Variants in GREM1 observed in about 807,000 individuals in gnomAD.
GREM1 encodes gremlin 1, DAN family BMP antagonist.
GREM1 carries 6 observed loss-of-function variants against 13.1 expected under a neutral mutation model. The ratio of observed to expected loss-of-function variants is 0.46; its 90% CI spans 0.25 to 0.91. The LOEUF (loss-of-function observed/expected upper bound fraction) is 0.91. GREM1 is among the 40% of genes least tolerant of loss of function. GREM1 has a pLI of 0.18. For synonymous variants in GREM1, 98 were observed against 93.7 expected, an observed-to-expected ratio of 1.05 and a Z score of -0.27; for missense variants, 185 against 233.9, an observed-to-expected ratio of 0.79 and a Z score of 1.36.
intron 1 of GREM1, chr15:32,718,675 A>C (rs918494156): frequency 2.5e-5 from 9 of 358,720 alleles, no homozygotes; most frequent in African/African-American, 1.9e-4. Context: ...CGGAGAATCC[A>C]TGATGTGTGC....
chr15:32,727,384 T>G (rs895856520), intron 1 of GREM1, among the ~76,000 whole-genome samples: 2 of 152,146 alleles, frequency 1.3e-5, no homozygotes, highest in African/African-American at 2.4e-5. Context: ...ACAGAACCAA[T>G]GACAAAAACC....
rs2055688914 is a variant in GREM1 at position 32,735,767 on chromosome 15, G to C, written c.*4522G>C. 1 of 82,652 alleles carries C rather than the reference G, an allele frequency of 1.2e-5. No individual in the cohort carries two copies. The allele number at this position is 82,652 out of a possible 1,614,324, so 5.1% of individuals were successfully genotyped here. A position where few individuals can be genotyped will look rare whatever the true frequency, so the allele number is the denominator to read the frequency against. On this transcript the variant is annotated 3_prime_UTR_variant, in exon 2 of 2. Coordinates refer to ENST00000651154, the MANE Select transcript of GREM1 (RefSeq NM_013372.7). ...GACTTGACACGGAAGAGCATTTCAA[G>C]CTTAAGAAAAAAAAAAAAAAGAAGA...
chr15:32,719,612 A>T (rs2055370732), intron 1 of GREM1, among the ~76,000 whole-genome samples: 1 of 152,096 alleles, frequency 6.6e-6, no homozygotes, highest in Non-Finnish European at 1.5e-5. Context: ...GGAAAGAGCA[A>T]ATCTGAGCGG....
intron 1 of GREM1, among the ~76,000 whole-genome samples, chr15:32,728,374 C>G (rs1331766095): frequency 6.6e-6 from 1 of 152,190 alleles, no homozygotes; most frequent in Non-Finnish European, 1.5e-5. Context: ...GTAACATACA[C>G]TGACCAAAGG....
At chr15:32,719,175 G>A (rs1286476873) in intron 1 of GREM1, among the ~76,000 whole-genome samples, 1 of 152,254 alleles carries the variant, frequency 6.6e-6, no homozygotes, top group Non-Finnish European at 1.5e-5. Flanking sequence ...CATAGCAGGG[G>A]AGTGGGAGGT....
intron 1 of GREM1, 67 bp from the exon 2 acceptor site, chr15:32,730,623 A>G (rs2055599350): frequency 1.9e-6 from 2 of 1,064,886 alleles, no homozygotes; most frequent in Non-Finnish European, 1.4e-6. Context: ...AGGTGCTATT[A>G]TTATTAATTT....
Position 32,731,518 on chromosome 15 carries a change from C to G in GREM1, c.*273C>G. 1 of 486,952 alleles carries G rather than the reference C, an allele frequency of 2.1e-6. No individual in the cohort carries two copies. The highest frequency in any genetic ancestry group is 3.7e-6 in the Non-Finnish European group (1 of 267,218). 30.2% of individuals were successfully genotyped at this position (486,952 alleles called of 1,614,324 possible). Reference sequence around the variant, plus strand: ...TTAATGGGGATGTACCAGAAACCCACCTCACCCCGGCTCACATCTAAAGGG... The same window carrying G: ...TTAATGGGGATGTACCAGAAACCCAGCTCACCCCGGCTCACATCTAAAGGG... On this transcript the variant is annotated 3_prime_UTR_variant, in exon 2 of 2. Transcript: ENST00000651154.
rs1286742908 is a variant in GREM1 at position 32,734,981 on chromosome 15, T to G, written c.*3736T>G. Reference sequence around the variant, plus strand: ...CCATCACACAGAAATGATAATATCTTCATTTCAGGGTGTTCCAGGGGAAAA... The same window carrying G: ...CCATCACACAGAAATGATAATATCTGCATTTCAGGGTGTTCCAGGGGAAAA... On this transcript the variant is annotated 3_prime_UTR_variant, in exon 2 of 2. Coordinates refer to ENST00000651154, the MANE Select transcript of GREM1 (RefSeq NM_013372.7). 1 of 153,524 alleles carries G rather than the reference T, an allele frequency of 6.5e-6. No homozygotes were observed. Among genetic ancestry groups the G allele is most frequent in the Non-Finnish European group, 1.5e-5 (1 of 68,842 alleles). 9.5% of individuals were successfully genotyped at this position (153,524 alleles called of 1,614,324 possible). A position where few individuals can be genotyped will look rare whatever the true frequency, so the allele number is the denominator to read the frequency against.
chr15:32,725,271 A>G lies in GREM1; in HGVS notation c.-1-5419A>G, dbSNP rs141876861. ...CCACCAACAGTGTAAAAGCATTCCT[A>G]TTTCTCCACATCCTCTCCAACATCT... On this transcript the variant is annotated intron_variant, in intron 1 of 1. Transcript: ENST00000651154. 4.0e-3 allele frequency among the ~76,000 whole-genome samples: 602 copies of G among 152,220 alleles called. 6 individuals carry two copies. The highest frequency in any genetic ancestry group is 0.014 in the African/African-American group (589 of 41,538).
At chr15:32,730,215 CAA>C (rs965537246) in intron 1 of GREM1, among the ~76,000 whole-genome samples, 14 of 152,194 alleles carry the variant, frequency 9.2e-5, no homozygotes, top group African/African-American at 3.4e-4. Flanking sequence ...GATAAAAATG[CAA>C]AGTCTCATAA....
Position 32,741,451 on chromosome 15 carries a change from A to G in GREM1, c.*10206A>G, listed in dbSNP as rs1456907637. 6.6e-6 allele frequency: 1 copy of G among 151,214 alleles called. No homozygotes were observed. The highest frequency in any genetic ancestry group is 2.4e-5 in the African/African-American group (1 of 41,116). The allele number at this position is 151,214 out of a possible 1,614,324, so 9.4% of individuals were successfully genotyped here. On this transcript the variant is annotated 3_prime_UTR_variant, in exon 2 of 2. Coordinates refer to ENST00000651154, the MANE Select transcript of GREM1 (RefSeq NM_013372.7). Reference sequence around the variant, plus strand: ...TTTTTTTGCTGCTATTACAAATAGCATTGTTTTCCTAATTTTTGTTTAAGA... The same window carrying G: ...TTTTTTTGCTGCTATTACAAATAGCGTTGTTTTCCTAATTTTTGTTTAAGA...
rs1225604049 is a variant in GREM1 at position 32,738,046 on chromosome 15, C to T, written c.*6801C>T. The T allele has an allele frequency of 9.8e-6, 1 of 101,696 alleles. No homozygotes were observed. Among genetic ancestry groups the T allele is most frequent in the African/African-American group, 3.8e-5 (1 of 26,448 alleles). The allele number at this position is 101,696 out of a possible 1,614,324, so 6.3% of individuals were successfully genotyped here. A position where few individuals can be genotyped will look rare whatever the true frequency, so the allele number is the denominator to read the frequency against. Reference sequence around the variant, plus strand: ...GATATCTGCTGTCACTATTTTTATTCAATATTATACTGGAGGTTCTACCTA... The same window carrying T: ...GATATCTGCTGTCACTATTTTTATTTAATATTATACTGGAGGTTCTACCTA... On this transcript the variant is annotated 3_prime_UTR_variant, in exon 2 of 2. Transcript: ENST00000651154.
At position 32,720,031 on chromosome 15, in the gene GREM1, T is replaced by C. The variant is rs11635984; in HGVS notation, c.-2+1870T>C. 0.29 allele frequency among the ~76,000 whole-genome samples: 43,882 copies of C among 152,142 alleles called. 7,538 individuals are homozygous for C. Among genetic ancestry groups the C allele is most frequent in the Non-Finnish European group, 0.39 (26,436 of 67,980 alleles). On this transcript the variant is annotated intron_variant, in intron 1 of 1. Transcript: ENST00000651154. ...ATAAATGGCACTGTCAAATTGTTAA[T>C]ATTAACTATTTCAGGGATTTTTAGC...
chr15:32,732,417 G>GAGTTAA lies in GREM1; in HGVS notation c.*1173_*1174insGTTAAA. ...GTAGTCTAAGATGAGAGAGTTTAGGGACTACTCTGTTTTAGCAAGAGATAT... is the reference window on the plus strand; with the variant it reads ...GTAGTCTAAGATGAGAGAGTTTAGGGAGTTAAACTACTCTGTTTTAGCAAGAGATAT... On this transcript the variant is annotated 3_prime_UTR_variant, in exon 2 of 2. Coordinates refer to ENST00000651154, the MANE Select transcript of GREM1 (RefSeq NM_013372.7). 1 of 245,060 alleles carries GAGTTAA rather than the reference G, an allele frequency of 4.1e-6. No homozygotes were observed. Among genetic ancestry groups the GAGTTAA allele is most frequent in the East Asian group, 6.2e-5 (1 of 16,174 alleles). The allele number at this position is 245,060 out of a possible 1,614,324, so 15.2% of individuals were successfully genotyped here.
At chr15:32,730,465 C>T (rs1163257525) in intron 1 of GREM1, among the ~76,000 whole-genome samples, 1 of 152,154 alleles carries the variant, frequency 6.6e-6, no homozygotes, top group Non-Finnish European at 1.5e-5. Flanking sequence ...TGAGTTTAAA[C>T]CTTGACTTAG....
rs984762857 is a variant in GREM1, at chr15:32,732,499, C to G, written c.*1254C>G. 1 of 245,140 alleles carries G rather than the reference C, an allele frequency of 4.1e-6. No homozygotes were observed. The highest frequency in any genetic ancestry group is 8.6e-6 in the Non-Finnish European group (1 of 116,380). The allele number at this position is 245,140 out of a possible 1,614,324, so 15.2% of individuals were successfully genotyped here. ...GGAGATTGGGCTAAAGAGAAGACGA[C>G]GAGAGTAAGGAAATAAAGGGAATTG... On this transcript the variant is annotated 3_prime_UTR_variant, in exon 2 of 2. Coordinates refer to ENST00000651154, the MANE Select transcript of GREM1 (RefSeq NM_013372.7).
In GREM1 at chr15:32,741,771, A is replaced by C. The variant is rs917301090; in HGVS notation, c.*10526A>C. On this transcript the variant is annotated 3_prime_UTR_variant, in exon 2 of 2. Transcript: ENST00000651154. The stretch of plus-strand genomic sequence containing the variant: ...TTCTGGTCTTAAAGAAAAACATTTC[A>C]GTTTTCCATTATTCGGTATAATGTT... 6 of 152,168 alleles carry C rather than the reference A, an allele frequency of 3.9e-5. No individual in the cohort carries two copies. Among genetic ancestry groups the C allele is most frequent in the Non-Finnish European group, 8.8e-5 (6 of 68,002 alleles). The allele number at this position is 152,168 out of a possible 1,614,324, so 9.4% of individuals were successfully genotyped here. A position where few individuals can be genotyped will look rare whatever the true frequency, so the allele number is the denominator to read the frequency against.
chr15:32,742,994 A>G lies in GREM1; in HGVS notation c.*11749A>G, dbSNP rs1470720848. 2.6e-5 allele frequency: 4 copies of G among 152,184 alleles called. No individual in the cohort carries two copies. The highest frequency in any genetic ancestry group is 5.9e-5 in the Non-Finnish European group (4 of 68,046). 9.4% of individuals were successfully genotyped at this position (152,184 alleles called of 1,614,324 possible). On this transcript the variant is annotated 3_prime_UTR_variant, in exon 2 of 2. Transcript: ENST00000651154. ...ACATAACAACAAAAGCACAGGTAAT[A>G]AAAACAAAAATAGACAAATGGGACT...
intron 1 of GREM1, 39 bp downstream of exon 1, chr15:32,718,200 G>A: frequency 1.5e-6 from 2 of 1,332,554 alleles, no homozygotes; most frequent in Non-Finnish European, 9.9e-7. Flanking sequence ...TGAGTGGGCG[G>A]AGGGAAGAGG....
Sources: allele counts gnomAD v4.1 joint callset (sites outside exome capture counted in the v4.1 genomes callset), GRCh38; gene constraint gnomAD v4.1.1; transcripts MANE v1.5; gene names NCBI Gene and HGNC (gene_info 2026-07-23, HGNC 2026-07-21).